Variants in CDH22 observed in about 807,000 individuals in gnomAD.
CDH22 encodes the protein cadherin-22.
A neutral mutation model predicts 58.4 loss-of-function variants in CDH22; 30 were observed. The ratio of observed to expected loss-of-function variants is 0.51; its 90% confidence interval spans 0.38 to 0.70. The LOEUF is 0.70. Among genes scored for constraint, CDH22 ranks in the 30% least tolerant of loss-of-function variants. The probability of loss-of-function intolerance (pLI) is 0.00; values close to 1 mark genes in which losing one functional copy is unlikely to be tolerated. For missense variants in CDH22, 1,014 were observed against 1,233.9 expected, an observed-to-expected ratio of 0.82 and a Z score of 2.67; for synonymous variants, 513 against 558.2, an observed-to-expected ratio of 0.92 and a Z score of 1.14.
intron 1 of CDH22, among the ~76,000 whole-genome samples, chr20:46,291,634 C>A (rs773886357): frequency 1.3e-5 from 2 of 152,256 alleles, no homozygotes; most frequent in African/African-American, 4.8e-5. Flanking sequence ...ACGGCCCCTG[C>A]TGCACTGATG....
At position 46,174,513 on chromosome 20, in the gene CDH22, G is replaced by T. The variant is rs1400254952; in HGVS notation, c.2480C>A (p.Ala827Asp). The T allele has an allele frequency of 1.3e-6, 2 of 1,512,398 alleles. No homozygotes were observed. The highest frequency in any genetic ancestry group is 5.2e-5 in the East Asian group (2 of 38,292). The allele number at this position is 1,512,398 out of a possible 1,614,324, so 93.7% of individuals were successfully genotyped here. ...AGHRGDDEAQ[A>D]S is the part of the protein sequence containing the mutation. ...CGACGGCAGGGCGAGGGGCTAGGAG[G>T]CCTGGGCCTCGTCGTCCCCGCGGTG... The change falls in exon 12 of 12, where the codon GCC becomes GAC. Residue 827 changes from alanine to aspartate, a missense_variant. Transcript: ENST00000537909. The surrounding 1 kb of genome is among the most constrained non-coding windows in gnomAD (Gnocchi z 4.4).
rs941081924 is a variant in CDH22 at position 46,300,990 on chromosome 20, C to T, written c.-400+7265G>A. Among the ~76,000 whole-genome samples, 7 of 151,926 alleles carry T rather than the reference C, an allele frequency of 4.6e-5. No individual in the cohort carries two copies. The highest frequency in any genetic ancestry group is 5.9e-5 in the Non-Finnish European group (4 of 68,000). Reference sequence around the variant, plus strand: ...AATGATGATGTAGATGTATATTTATCGAAATGGCAAGACATTCACAATATA... The same window carrying T: ...AATGATGATGTAGATGTATATTTATTGAAATGGCAAGACATTCACAATATA... On this transcript the variant is annotated intron_variant, in intron 1 of 11. Coordinates refer to ENST00000537909, the MANE Select transcript of CDH22 (RefSeq NM_021248.3). The surrounding 1 kb of genome is among the most constrained non-coding windows in gnomAD (Gnocchi z 4.4).
chr20:46,193,096 C>A (rs2085873478), intron 8 of CDH22, among the ~76,000 whole-genome samples: 1 of 152,164 alleles, frequency 6.6e-6, no homozygotes, highest in African/African-American at 2.4e-5. Context: ...GAAATCATAA[C>A]ATCCCTGAAA....
In CDH22 at chr20:46,229,299, C is replaced by CA. The variant is rs34527413; in HGVS notation, c.551-1673_551-1672insT. 3.4e-3 allele frequency among the ~76,000 whole-genome samples: 507 copies of CA among 147,178 alleles called. 6 individuals are homozygous for CA. Among genetic ancestry groups the CA allele is most frequent in the African/African-American group, 0.012 (491 of 40,592 alleles). Reference sequence around the variant, plus strand: ...CGGAGATGCAGAGTGGCCCCCCCCCCCAATTTTACAGCTGAGGAATCAAGT... The same window carrying CA: ...CGGAGATGCAGAGTGGCCCCCCCCCCACAATTTTACAGCTGAGGAATCAAGT... On this transcript the variant is annotated intron_variant, in intron 3 of 11. Coordinates refer to ENST00000537909, the MANE Select transcript of CDH22 (RefSeq NM_021248.3).
Position 46,227,542 on chromosome 20 carries a change from G to A in CDH22, c.636C>T (p.Asp212=), listed in dbSNP as rs538884088. ...GGTCCACGGTGAAGTGGTGCTCGCC[G>A]TCCAGCACGCTGTACACCAGCCGAG... is the stretch of plus-strand genomic sequence containing the variant. ...SSARLVYSVL[D]GEHHFTVDPK... The change falls in exon 4 of 12, where the codon GAC becomes GAT. Residue 212 remains aspartate (D), a synonymous_variant. Coordinates refer to ENST00000537909, the MANE Select transcript of CDH22 (RefSeq NM_021248.3). 10 of 1,497,900 alleles carry A rather than the reference G, an allele frequency of 6.7e-6. No homozygotes were observed. The highest frequency in any genetic ancestry group is 2.8e-5 in the African/African-American group (2 of 70,600). The allele number at this position is 1,497,900 out of a possible 1,614,324, so 92.8% of individuals were successfully genotyped here. A position where few individuals can be genotyped will look rare whatever the true frequency, so the allele number is the denominator to read the frequency against.
chr20:46,218,206 G>C (rs140728653), intron 4 of CDH22, among the ~76,000 whole-genome samples: 3 of 152,266 alleles, frequency 2.0e-5, no homozygotes, highest in East Asian at 3.9e-4. Flanking sequence ...TTACAGGTGT[G>C]AGCCACTGCA....
intron 1 of CDH22, among the ~76,000 whole-genome samples, chr20:46,261,179 A>G (rs2086431450): frequency 6.6e-6 from 1 of 152,206 alleles, no homozygotes; most frequent in Admixed American, 6.5e-5. Flanking sequence ...CAGGGCCAAC[A>G]TAAGGTGTAA....
intron 4 of CDH22, among the ~76,000 whole-genome samples, chr20:46,226,231 C>CCTTCTTCTTCTTCTTCTTCTTCTTCTT (rs74176857): frequency 2.5e-4 from 22 of 86,598 alleles, no homozygotes; most frequent in East Asian, 1.2e-3. Flanking sequence ...TCTGGCAACA[C>CCTTCTTCTTCTTCTTCTTCTTCTTCTT]CTTCTTCTTC....
chr20:46,245,150 G>A (rs151078267), intron 2 of CDH22, among the ~76,000 whole-genome samples: 11 of 152,238 alleles, frequency 7.2e-5, no homozygotes, highest in African/African-American at 1.7e-4. Context: ...AGGAGGGGTC[G>A]AGGGGTCACC....
At chr20:46,281,419 G>A (rs1309846887) in intron 1 of CDH22, among the ~76,000 whole-genome samples, 1 of 151,396 alleles carries the variant, frequency 6.6e-6, no homozygotes, top group African/African-American at 2.4e-5. Context: ...AAGGAAACCT[G>A]TGATGTATAT....
chr20:46,248,946 G>A (rs894753986), intron 2 of CDH22, among the ~76,000 whole-genome samples: 2 of 152,218 alleles, frequency 1.3e-5, no homozygotes, highest in Non-Finnish European at 2.9e-5. Flanking sequence ...CTACAAAAGG[G>A]AATGATGATT....
At chr20:46,255,100 C>T (rs1414140174) in intron 1 of CDH22, among the ~76,000 whole-genome samples, 2 of 152,182 alleles carry the variant, frequency 1.3e-5, no homozygotes, top group African/African-American at 2.4e-5. Context: ...CGGCTCCCTG[C>T]AACCTCCGCC....
At chr20:46,242,974 C>T (rs1384456247) in intron 2 of CDH22, among the ~76,000 whole-genome samples, 1 of 152,192 alleles carries the variant, frequency 6.6e-6, no homozygotes, top group African/African-American at 2.4e-5. Context: ...ATCAGAAACA[C>T]CTAAGTCCTT....
chr20:46,254,353 G>A (rs1305973540), intron 1 of CDH22, among the ~76,000 whole-genome samples: 2 of 152,002 alleles, frequency 1.3e-5, no homozygotes, highest in Non-Finnish European at 2.9e-5. Flanking sequence ...TCAGGAGTTC[G>A]AGACCAGCCA....
rs746534107 is a variant in CDH22 at position 46,210,493 on chromosome 20, G to A, written c.1100C>T (p.Pro367Leu). Residue 367 changes from proline (P) to leucine (L), a missense_variant, in exon 7 of 12, where the codon CCC (proline) becomes CTC (leucine). This residue lies in a region of CDH22 where 806 missense variants were observed against 1,038.7 expected (regional missense o/e 0.78). Transcript: ENST00000537909. This position sits in a 1 kb window ranked among gnomAD's most constrained non-coding sequence, Gnocchi z 4.5. ...ILEALNKFVDPRFADLGTFRD... is the reference protein window; with the variant it reads ...ILEALNKFVDLRFADLGTFRD... Reference sequence around the variant, plus strand: ...GAACGTGCCCAGGTCGGCGAAGCGGGGGTCCACGAACTTGTTGAGGGCCTC... The same window carrying A: ...GAACGTGCCCAGGTCGGCGAAGCGGAGGTCCACGAACTTGTTGAGGGCCTC... 2.1e-6 allele frequency: 3 copies of A among 1,433,094 alleles called. No individual in the cohort carries two copies. Among genetic ancestry groups the A allele is most frequent in the African/African-American group, 1.5e-5 (1 of 67,030 alleles). The allele number at this position is 1,433,094 out of a possible 1,614,324, so 88.8% of individuals were successfully genotyped here. A position where few individuals can be genotyped will look rare whatever the true frequency, so the allele number is the denominator to read the frequency against.
rs1396551908 is a variant in CDH22, at chr20:46,251,553, C to T, written c.-259G>A. On this transcript the variant is annotated 5_prime_UTR_variant, in exon 2 of 12. Coordinates refer to ENST00000537909, the MANE Select transcript of CDH22 (RefSeq NM_021248.3). This position sits in a 1 kb window ranked among gnomAD's most constrained non-coding sequence, Gnocchi z 6.7. ...CCGGGGTGCCCGCCCGCGCCCCCGT[C>T]GCCGCGTCGCGTGCGGATCACCAGG... The T allele has an allele frequency of 7.1e-6, 2 of 282,734 alleles. No individual in the cohort carries two copies. Among genetic ancestry groups the T allele is most frequent in the African/African-American group, 4.5e-5 (2 of 44,844 alleles). 17.5% of individuals were successfully genotyped at this position (282,734 alleles called of 1,614,324 possible). A position where few individuals can be genotyped will look rare whatever the true frequency, so the allele number is the denominator to read the frequency against.
At chr20:46,246,990 T>C (rs1382843806) in intron 2 of CDH22, among the ~76,000 whole-genome samples, 1 of 109,634 alleles carries the variant, frequency 9.1e-6, no homozygotes, top group South Asian at 3.0e-4. Flanking sequence ...AGGTGGCTTT[T>C]AAAAGCCCAA....
At chr20:46,254,168 C>T (rs1161430728) in intron 1 of CDH22, among the ~76,000 whole-genome samples, 1 of 152,158 alleles carries the variant, frequency 6.6e-6, no homozygotes, top group East Asian at 1.9e-4. Context: ...AGATGCATTT[C>T]TTCTTGTTAT....
Position 46,178,053 on chromosome 20 carries a change from T to C in CDH22, c.1808A>G (p.Asp603Gly). ...GCAGGACTGGATGGTGCCGGAGCTGTCGCAGCCACAGATGCGGATGGTGAG... is the reference window on the plus strand; with the variant it reads ...GCAGGACTGGATGGTGCCGGAGCTGCCGCAGCCACAGATGCGGATGGTGAG... ...GTLTIRICGC[D>G]SSGTIQSCNT... Residue 603 changes from aspartate to glycine, a missense_variant, in exon 11 of 12, where the codon GAC becomes GGC. Around this residue, in one of 2 missense-constraint regions of CDH22, gnomAD observed 806 missense variants for 1,038.7 expected, o/e 0.78. Transcript: ENST00000537909. 1 of 1,613,756 alleles carries C rather than the reference T, an allele frequency of 6.2e-7. No homozygotes were observed. The highest frequency in any genetic ancestry group is 8.5e-7 in the Non-Finnish European group (1 of 1,179,952).
Sources: allele counts gnomAD v4.1 joint callset (sites outside exome capture counted in the v4.1 genomes callset), GRCh38; gene constraint gnomAD v4.1.1; regional missense constraint gnomAD v4.1.1; non-coding constraint Gnocchi (gnomAD v3.1); transcripts MANE v1.5; gene names NCBI Gene and HGNC (gene_info 2026-07-23, HGNC 2026-07-21).